The following ERICH6B variants were observed in gnomAD, a reference collection of about 807,000 sequenced individuals.
ERICH6B encodes the protein glutamate-rich protein 6B.
ERICH6B carries 69 observed loss-of-function variants against 80.0 expected under a neutral mutation model. The ratio of observed to expected loss-of-function variants is 0.86; its 90% CI spans 0.71 to 1.05. The LOEUF is 1.05. Among genes scored for constraint, ERICH6B ranks in the 50% least tolerant of loss-of-function variants. The pLI is 0.00. For missense variants in ERICH6B, 754 were observed against 796.1 expected, an observed-to-expected ratio of 0.95 and a Z score of 0.64; for synonymous variants, 283 against 291.9, an observed-to-expected ratio of 0.97 and a Z score of 0.31.
intron 4 of ERICH6B, among the ~76,000 whole-genome samples, chr13:45,589,256 G>GC (rs1013944473): frequency 2.0e-5 from 3 of 152,034 alleles, no homozygotes; most frequent in South Asian, 2.1e-4. Flanking sequence ...CACCAGGAAG[G>GC]CCCCCCCAGG....
chr13:45,542,859 G>C (rs980858854), intron 14 of ERICH6B, among the ~76,000 whole-genome samples: 1 of 152,222 alleles, frequency 6.6e-6, no homozygotes, highest in Non-Finnish European at 1.5e-5. Flanking sequence ...AAATTTCCCA[G>C]TTTTAGCAGT....
intron 11 of ERICH6B, among the ~76,000 whole-genome samples, chr13:45,556,736 CT>C (rs1874456150): frequency 6.6e-6 from 1 of 151,896 alleles, no homozygotes; most frequent in African/African-American, 2.4e-5. Flanking sequence ...TAATTCGTTC[CT>C]TTTTATGGCT....
At chr13:45,571,267 A>G (rs898950445) in intron 8 of ERICH6B, among the ~76,000 whole-genome samples, 1 of 152,166 alleles carries the variant, frequency 6.6e-6, no homozygotes, top group African/African-American at 2.4e-5. Context: ...AATGTGTATC[A>G]TGACTAGTTT....
intron 2 of ERICH6B, among the ~76,000 whole-genome samples, chr13:45,600,651 G>C (rs962387323): frequency 3.9e-5 from 6 of 152,164 alleles, no homozygotes; most frequent in Admixed American, 3.3e-4. Context: ...ATGGTCTCCA[G>C]TTCCATTCAT....
chr13:45,553,233 G>T (rs933265742), intron 11 of ERICH6B: 2 of 204,302 alleles, frequency 9.8e-6, no homozygotes, highest in Admixed American at 5.9e-5. Flanking sequence ...AATGTCTCCA[G>T]TGAGGCCTGA....
chr13:45,565,116 T>C (rs893923277), intron 9 of ERICH6B, among the ~76,000 whole-genome samples: 1 of 152,092 alleles, frequency 6.6e-6, no homozygotes, highest in Non-Finnish European at 1.5e-5. Context: ...GGATAACGTA[T>C]AGAGATATTA....
chr13:45,577,991 C>T (rs184738851), intron 7 of ERICH6B, among the ~76,000 whole-genome samples: 27 of 152,342 alleles, frequency 1.8e-4, no homozygotes, highest in African/African-American at 6.5e-4. Flanking sequence ...TCCCACATTA[C>T]GTGACAAAGA....
intron 4 of ERICH6B, 23 bp downstream of exon 4, chr13:45,590,626 T>G: frequency 6.5e-7 from 1 of 1,549,784 alleles, no homozygotes; most frequent in Non-Finnish European, 8.7e-7. Context: ...TCCACCTGAT[T>G]TATCCCAAAA....
Position 45,567,072 on chromosome 13 carries a change from G to C in ERICH6B, c.1187+1243C>G, listed in dbSNP as rs547945445. Among the ~76,000 whole-genome samples, 10 of 152,330 alleles carry C rather than the reference G, an allele frequency of 6.6e-5. No homozygotes were observed. In the South Asian group the frequency reaches 1.9e-3, roughly 28 times the overall value. ...TTTGGAACTTTAGGGTTTAATGACT[G>C]TCCTATTGGATTTTGGACTTTCATG... On this transcript the variant is annotated intron_variant, in intron 9 of 14. Coordinates refer to ENST00000298738, the MANE Select transcript of ERICH6B (RefSeq NM_182542.3).
chr13:45,584,591 G>A (rs1314864138), intron 5 of ERICH6B, among the ~76,000 whole-genome samples: 1 of 152,210 alleles, frequency 6.6e-6, no homozygotes, highest in Non-Finnish European at 1.5e-5. Flanking sequence ...GGTTAAGAAT[G>A]CAGATTCCAG....
At chr13:45,585,013 C>T (rs764660324) in intron 5 of ERICH6B, among the ~76,000 whole-genome samples, 2 of 152,160 alleles carry the variant, frequency 1.3e-5, no homozygotes, top group Admixed American at 6.5e-5. Flanking sequence ...TCATCTTTGT[C>T]GCCATCTTCA....
chr13:45,568,180 T>C (rs891178159), intron 9 of ERICH6B, 135 bp downstream of exon 9: 62 of 989,886 alleles, frequency 6.3e-5, no homozygotes, highest in Non-Finnish European at 7.8e-5. Flanking sequence ...GGCCTGTTCC[T>C]GCTCCTTGAC....
Position 45,541,512 on chromosome 13 carries a change from G to A in ERICH6B, c.2041C>T (p.Leu681=). ...TTCTTCAGGTACTTGTTGTCCATCA[G>A]TGATATACTGACGGCCTCTATGAAG... ...ENFIEAVSIS[L]MDNKYLKKML... is the part of the protein sequence containing the mutation. The change falls in exon 15 of 15, where the codon CTG becomes TTG. Residue 681 remains leucine (L), a synonymous_variant. Transcript: ENST00000298738. 3 of 1,552,188 alleles carry A rather than the reference G, an allele frequency of 1.9e-6. No homozygotes were observed. The highest frequency in any genetic ancestry group is 2.6e-6 in the Non-Finnish European group (3 of 1,147,096).
intron 3 of ERICH6B, among the ~76,000 whole-genome samples, chr13:45,591,780 CAG>C (rs1479543116): frequency 6.6e-6 from 1 of 152,082 alleles, no homozygotes; most frequent in African/African-American, 2.4e-5. Context: ...ACAATGGCGG[CAG>C]AGAGACAGAA....
chr13:45,549,760 A>G (rs1366026517), intron 13 of ERICH6B, 133 bp downstream of exon 13: 1 of 1,015,202 alleles, frequency 9.9e-7, no homozygotes, highest in Non-Finnish European at 1.4e-6. Flanking sequence ...CTGGTCCATC[A>G]TGGTGCTCAT....
rs548115778 is a variant in ERICH6B at position 45,582,143 on chromosome 13, T to C, written c.857-1478A>G. 2.0e-4 allele frequency among the ~76,000 whole-genome samples: 31 copies of C among 152,312 alleles called. No homozygotes were observed. In the South Asian group the frequency reaches 2.9e-3, roughly 14 times the overall value. ...TTCAGCAGTTCTTTGTGTGACGTAGTCTCCAGGTTACTGTCCAGGACACCA... is the reference window on the plus strand; with the variant it reads ...TTCAGCAGTTCTTTGTGTGACGTAGCCTCCAGGTTACTGTCCAGGACACCA... On this transcript the variant is annotated intron_variant, in intron 5 of 14. Coordinates refer to ENST00000298738, the MANE Select transcript of ERICH6B (RefSeq NM_182542.3).
intron 8 of ERICH6B, among the ~76,000 whole-genome samples, chr13:45,574,222 T>TA (rs1312650274): frequency 1.3e-5 from 2 of 152,210 alleles, no homozygotes; most frequent in Non-Finnish European, 2.9e-5. Context: ...ACACAATGAA[T>TA]AATGATGTTT....
chr13:45,583,850 T>C lies in ERICH6B; in HGVS notation c.857-3185A>G, dbSNP rs538968299. Among the ~76,000 whole-genome samples, 4 of 152,296 alleles carry C rather than the reference T, an allele frequency of 2.6e-5. No homozygotes were observed. The South Asian group carries it at 8.3e-4, about 32-fold the overall frequency. ...ACTGTGAGTCCATTAAACATCTTTT[T>C]CTTTATAAATTACCCAGTCTCAGGT... is the stretch of plus-strand genomic sequence containing the variant. On this transcript the variant is annotated intron_variant, in intron 5 of 14. Transcript: ENST00000298738.
intron 8 of ERICH6B, among the ~76,000 whole-genome samples, chr13:45,569,605 C>T (rs1875064862): frequency 6.6e-6 from 1 of 152,190 alleles, no homozygotes; most frequent in African/African-American, 2.4e-5. Context: ...CTTTGCTTAC[C>T]AACAGGTTGA....
Sources: gnomAD v4.1 joint callset for allele counts (sites outside exome capture counted in the v4.1 genomes callset) on GRCh38, gnomAD v4.1.1 for gene constraint, MANE v1.5 for transcripts, NCBI Gene and HGNC (gene_info 2026-07-23, HGNC 2026-07-21) for gene names.